Variants in SGMS1 observed in about 807,000 individuals in gnomAD.
The protein encoded by SGMS1 is phosphatidylcholine:ceramide cholinephosphotransferase 1.
SGMS1 carries 13 observed loss-of-function variants against 46.2 expected under a neutral mutation model. The ratio of observed to expected loss-of-function variants is 0.28; its 90% CI spans 0.18 to 0.45. The LOEUF (loss-of-function observed/expected upper bound fraction) is 0.45, where lower values mean the gene tolerates loss of function less well. Among genes scored for constraint, SGMS1 ranks in the 20% least tolerant of loss-of-function variants. The pLI, the probability that SGMS1 is intolerant of heterozygous loss-of-function variation, is 1.00. For synonymous variants in SGMS1, 203 were observed against 187.8 expected (o/e 1.08, Z -0.66); for missense variants, 324 against 519.9 (o/e 0.62, Z 3.66).
At chr10:50,343,395 T>C in intron 7 of SGMS1, 97 bp downstream of exon 7, 5 of 1,333,442 alleles carry the variant, frequency 3.7e-6, no homozygotes, top group Non-Finnish European at 5.0e-6. Context: ...TATGTTTTGA[T>C]CCCAACAAGT....
intron 3 of SGMS1, chr10:50,474,045 C>A (rs900919101): frequency 6.6e-6 from 1 of 152,228 alleles, no homozygotes; most frequent in African/African-American, 2.4e-5. Flanking sequence ...GGACAATCAT[C>A]ATGGGCCAAG....
chr10:50,600,006 G>A (rs1335151016), intron 1 of SGMS1, among the ~76,000 whole-genome samples: 1 of 152,106 alleles, frequency 6.6e-6, no homozygotes, highest in Non-Finnish European at 1.5e-5. Flanking sequence ...TCTCTATCCA[G>A]AGTGGGCCTC....
intron 1 of SGMS1, among the ~76,000 whole-genome samples, chr10:50,603,642 A>G (rs1838668798): frequency 6.6e-6 from 1 of 152,358 alleles, no homozygotes; most frequent in African/African-American, 2.4e-5. Context: ...GTAAAAAACT[A>G]AATTGCACAA....
At chr10:50,439,257 C>A (rs1027288346) in intron 5 of SGMS1, among the ~76,000 whole-genome samples, 4 of 152,170 alleles carry the variant, frequency 2.6e-5, no homozygotes, top group South Asian at 2.1e-4. Context: ...AATCAAGTAA[C>A]AATCATTCTC....
At chr10:50,616,846 G>C (rs11006328) in intron 1 of SGMS1, among the ~76,000 whole-genome samples, 1 of 151,938 alleles carries the variant, frequency 6.6e-6, no homozygotes, top group Non-Finnish European at 1.5e-5. Flanking sequence ...CCATGTTCAC[G>C]GACAGAATTA....
chr10:50,475,483 A>G (rs537512495), intron 3 of SGMS1, among the ~76,000 whole-genome samples: 13 of 152,350 alleles, frequency 8.5e-5, no homozygotes, highest in African/African-American at 2.6e-4. Context: ...CCATTACAAC[A>G]TCTAGAAAGG....
intron 2 of SGMS1, among the ~76,000 whole-genome samples, chr10:50,588,656 T>C (rs1242794437): frequency 1.3e-5 from 2 of 151,762 alleles, no homozygotes; most frequent in East Asian, 3.9e-4. Flanking sequence ...CACATTCTCC[T>C]ATAAGTTTAG....
intron 8 of SGMS1, among the ~76,000 whole-genome samples, chr10:50,319,839 C>T (rs773802983): frequency 2.6e-5 from 4 of 152,072 alleles, no homozygotes; most frequent in Non-Finnish European, 1.5e-5. Context: ...TACCTTTGCC[C>T]CTTTATAATT....
At chr10:50,349,550 G>A (rs374014086) in intron 6 of SGMS1, among the ~76,000 whole-genome samples, 2 of 57,364 alleles carry the variant, frequency 3.5e-5, no homozygotes, top group Non-Finnish European at 6.1e-5. Flanking sequence ...GCTTGGCTGT[G>A]TCCCACCCAA....
At chr10:50,346,710 T>C (rs1847918237) in intron 6 of SGMS1, among the ~76,000 whole-genome samples, 1 of 152,036 alleles carries the variant, frequency 6.6e-6, no homozygotes, top group Admixed American at 6.6e-5. Flanking sequence ...ATCTTTTGCT[T>C]GTCAGGGTGA....
At chr10:50,442,915 C>T (rs1444950527) in intron 5 of SGMS1, among the ~76,000 whole-genome samples, 4 of 152,246 alleles carry the variant, frequency 2.6e-5, no homozygotes, top group African/African-American at 7.2e-5. Flanking sequence ...CTACTTTTGG[C>T]ATCTTCTTCA....
intron 3 of SGMS1, among the ~76,000 whole-genome samples, chr10:50,482,546 C>T (rs1046838906): frequency 5.3e-5 from 8 of 152,224 alleles, no homozygotes; most frequent in South Asian, 2.1e-4. Flanking sequence ...CTGAAGGAAG[C>T]ATGAAATACA....
At chr10:50,416,947 C>A (rs529689711) in intron 6 of SGMS1, among the ~76,000 whole-genome samples, 11 of 151,296 alleles carry the variant, frequency 7.3e-5, no homozygotes, top group Non-Finnish European at 1.5e-4. Flanking sequence ...TATCTTTTAA[C>A]CTCATCACAG....
chr10:50,404,166 A>G (rs1013817791), intron 6 of SGMS1, among the ~76,000 whole-genome samples: 1 of 152,052 alleles, frequency 6.6e-6, no homozygotes, highest in African/African-American at 2.4e-5. Context: ...ACAGAAAGAA[A>G]CTCACAATGG....
chr10:50,339,381 C>T (rs1246928507), intron 7 of SGMS1, among the ~76,000 whole-genome samples: 1 of 152,196 alleles, frequency 6.6e-6, no homozygotes, highest in Admixed American at 6.5e-5. Context: ...GGTATTCACT[C>T]TCATTTGATT....
intron 5 of SGMS1, among the ~76,000 whole-genome samples, chr10:50,448,238 C>T (rs1256892948): frequency 6.6e-6 from 1 of 151,976 alleles, no homozygotes; most frequent in East Asian, 1.9e-4. Context: ...GGCAACAGAG[C>T]AAGACCTTGT....
intron 1 of SGMS1, among the ~76,000 whole-genome samples, chr10:50,598,921 AG>A (rs2131905859): frequency 6.6e-6 from 1 of 152,364 alleles, no homozygotes; most frequent in South Asian, 2.1e-4. Flanking sequence ...AAAAAAAAAT[AG>A]TATACATCTG....
At chr10:50,310,809 T>C (rs1170817514) in intron 9 of SGMS1, among the ~76,000 whole-genome samples, 2 of 152,228 alleles carry the variant, frequency 1.3e-5, no homozygotes, top group Non-Finnish European at 2.9e-5. Context: ...CATGGCCTTG[T>C]TGAGGACAGG....
intron 8 of SGMS1, among the ~76,000 whole-genome samples, chr10:50,321,163 G>T (rs1172945134): frequency 1.3e-5 from 2 of 152,164 alleles, no homozygotes; most frequent in African/African-American, 2.4e-5. Flanking sequence ...CTTTAGAAAG[G>T]CTAGAGTTTA....
Sources: allele counts gnomAD v4.1 joint callset (sites outside exome capture counted in the v4.1 genomes callset), GRCh38; gene constraint gnomAD v4.1.1; transcripts MANE v1.5; gene names NCBI Gene and HGNC (gene_info 2026-07-23, HGNC 2026-07-21).